FAT3: variants seen among roughly 807,000 people sequenced by gnomAD.
FAT3 encodes the protein FAT atypical cadherin 3.
Under a neutral mutation model 310.2 loss-of-function variants are expected in FAT3, and 95 were observed. The observed-to-expected ratio is 0.31, with a 90% CI of 0.26 to 0.36. The LOEUF is 0.36. Ranked by LOEUF, FAT3 falls within the 10% of genes least tolerant of loss-of-function variation. The pLI is 1.00. For missense variants in FAT3, 5,408 were observed against 5,715.6 expected, an observed-to-expected ratio of 0.95 and a Z score of 1.74; for synonymous variants, 2,314 against 2,192.9, an observed-to-expected ratio of 1.06 and a Z score of -1.54.
chr11:92,726,149 A>T (rs1181235480), intron 4 of FAT3, among the ~76,000 whole-genome samples: 3 of 152,188 alleles, frequency 2.0e-5, no homozygotes, highest in Admixed American at 6.5e-5. Flanking sequence ...ATACAAAATT[A>T]AAAAACTTTA....
Position 92,799,382 on chromosome 11 carries a change from G to T in FAT3, c.6369G>T (p.Leu2123=), listed in dbSNP as rs372266281. ...KGPNGEVTYV[L]QDDYGHFEIN... ...CAAATGGAGAAGTGACCTATGTCCT[G>T]CAGGATGACTATGGCCACTTTGAAA... Residue 2123 remains leucine (L), a synonymous_variant, in exon 10 of 28, where the codon CTG becomes CTT. Coordinates refer to ENST00000525166, the MANE Select transcript of FAT3 (RefSeq NM_001367949.2). 3.7e-6 allele frequency: 6 copies of T among 1,613,648 alleles called. No homozygotes were observed. Among genetic ancestry groups the T allele is most frequent in the African/African-American group, 2.7e-5 (2 of 74,908 alleles).
chr11:92,860,627 G>A (rs933265924), intron 21 of FAT3, among the ~76,000 whole-genome samples: 4 of 152,144 alleles, frequency 2.6e-5, no homozygotes, highest in Non-Finnish European at 5.9e-5. Context: ...TCTTCCCAAG[G>A]TTTCAGCTTG....
intron 3 of FAT3, among the ~76,000 whole-genome samples, chr11:92,547,492 A>G (rs996082504): frequency 2.6e-5 from 4 of 152,084 alleles, no homozygotes; most frequent in African/African-American, 9.7e-5. Flanking sequence ...AACTAATAAA[A>G]TATGTTCTGT....
At chr11:92,301,824 G>A (rs865923276) in intron 1 of FAT3, among the ~76,000 whole-genome samples, 8 of 151,984 alleles carry the variant, frequency 5.3e-5, no homozygotes, top group Admixed American at 3.3e-4. Flanking sequence ...GCTGTTGTTT[G>A]TTGTTTGTTT....
intron 19 of FAT3, among the ~76,000 whole-genome samples, chr11:92,856,773 A>C (rs975194446): frequency 6.6e-6 from 1 of 152,064 alleles, no homozygotes; most frequent in African/African-American, 2.4e-5. Flanking sequence ...ATCAACCTCC[A>C]AGTTCTTGAG....
intron 1 of FAT3, among the ~76,000 whole-genome samples, chr11:92,286,059 C>T (rs564003914): frequency 3.3e-5 from 5 of 152,214 alleles, no homozygotes; most frequent in African/African-American, 1.2e-4. Flanking sequence ...GTGACTCCCT[C>T]TCTCTCCCTG....
At position 92,412,740 on chromosome 11, in the gene FAT3, T is replaced by TATATATATAA. The variant is rs1555038611; in HGVS notation, c.3292+57341_3292+57342insTATAAATATA. 6.5e-5 allele frequency among the ~76,000 whole-genome samples: 5 copies of TATATATATAA among 76,346 alleles called. 1 individual carries two copies. Among genetic ancestry groups the TATATATATAA allele is most frequent in the African/African-American group, 4.7e-4 (5 of 10,682 alleles). 50.1% of individuals were successfully genotyped at this position (76,346 alleles called of 152,430 possible). On this transcript the variant is annotated intron_variant, in intron 2 of 27. Coordinates refer to ENST00000525166, the MANE Select transcript of FAT3 (RefSeq NM_001367949.2). Reference sequence around the variant, plus strand: ...ATATATATATATATATATATATATATATATAAATATACATACATATATATA... The same window carrying TATATATATAA: ...ATATATATATATATATATATATATATATATATATAAATATAAATATACATACATATATATA...
chr11:92,519,632 CT>C (rs1953615868), intron 2 of FAT3, among the ~76,000 whole-genome samples: 1 of 152,032 alleles, frequency 6.6e-6, no homozygotes, highest in South Asian at 2.1e-4. Flanking sequence ...CTGATAAAGA[CT>C]CTTATCCAGA....
At chr11:92,603,724 A>G (rs1940140415) in intron 3 of FAT3, among the ~76,000 whole-genome samples, 2 of 152,188 alleles carry the variant, frequency 1.3e-5, no homozygotes, top group Admixed American at 6.5e-5. Context: ...TGTTCGTGAA[A>G]TTGAAAAGCT....
rs141835378 is a variant in FAT3, at chr11:92,751,791, C to T, written c.3670-10065C>T. Among the ~76,000 whole-genome samples, 1,064 of 152,152 alleles carry T rather than the reference C, an allele frequency of 7.0e-3. 12 individuals are homozygous for T. Among genetic ancestry groups the T allele is most frequent in the African/African-American group, 0.024 (1,001 of 41,526 alleles). On this transcript the variant is annotated intron_variant, in intron 4 of 27. Transcript: ENST00000525166. The stretch of plus-strand genomic sequence containing the variant: ...TTAACAGATGCTTCTACATGGGCTG[C>T]GCAGGGTAGGGAAAAGAGCACGTGC...
chr11:92,336,669 G>C (rs1223303578), intron 1 of FAT3, among the ~76,000 whole-genome samples: 1 of 152,136 alleles, frequency 6.6e-6, no homozygotes, highest in African/African-American at 2.4e-5. Flanking sequence ...GCCTAGAACA[G>C]AACTGAATTT....
chr11:92,284,559 C>T (rs1308333874), intron 1 of FAT3, among the ~76,000 whole-genome samples: 1 of 152,090 alleles, frequency 6.6e-6, no homozygotes, highest in Non-Finnish European at 1.5e-5. Context: ...GGAAGATAGT[C>T]AGGGCTCTTG....
intron 2 of FAT3, among the ~76,000 whole-genome samples, chr11:92,486,065 A>T (rs565398): frequency 6.7e-6 from 1 of 149,754 alleles, no homozygotes; most frequent in Non-Finnish European, 1.5e-5. Flanking sequence ...ATATGGGAAA[A>T]ATATGAATAA....
intron 1 of FAT3, among the ~76,000 whole-genome samples, chr11:92,246,695 G>A (rs2134266453): frequency 1.3e-5 from 2 of 152,218 alleles, no homozygotes; most frequent in East Asian, 3.9e-4. Flanking sequence ...CAGCAAGTAT[G>A]CCAAATGTAA....
intron 3 of FAT3, among the ~76,000 whole-genome samples, chr11:92,597,799 A>T (rs1349263781): frequency 6.6e-6 from 1 of 152,224 alleles, no homozygotes; most frequent in Non-Finnish European, 1.5e-5. Flanking sequence ...GAAAATTTTG[A>T]AATAGCAGAG....
At chr11:92,567,508 C>A (rs916024780) in intron 3 of FAT3, among the ~76,000 whole-genome samples, 3 of 150,022 alleles carry the variant, frequency 2.0e-5, no homozygotes, top group Non-Finnish European at 4.4e-5. Flanking sequence ...ACTAGAAATA[C>A]CATTTGACCC....
chr11:92,851,050 C>G (rs1387129715), intron 19 of FAT3, among the ~76,000 whole-genome samples: 2 of 152,170 alleles, frequency 1.3e-5, no homozygotes, highest in Admixed American at 6.5e-5. Flanking sequence ...TGAAAAAACA[C>G]CTGCACCTGA....
intron 7 of FAT3, among the ~76,000 whole-genome samples, chr11:92,780,966 A>G (rs1312823825): frequency 2.0e-5 from 3 of 152,172 alleles, no homozygotes; most frequent in Admixed American, 2.0e-4. Context: ...AAACTAGAAC[A>G]TGGCTCTTTC....
intron 21 of FAT3, among the ~76,000 whole-genome samples, chr11:92,859,719 G>C (rs1949074776): frequency 6.6e-6 from 1 of 152,178 alleles, no homozygotes; most frequent in Non-Finnish European, 1.5e-5. Flanking sequence ...TTCTGTTCTT[G>C]CTCAGGGAGG....
Sources: allele counts gnomAD v4.1 joint callset (sites outside exome capture counted in the v4.1 genomes callset), GRCh38; gene constraint gnomAD v4.1.1; transcripts MANE v1.5; gene names NCBI Gene and HGNC (gene_info 2026-07-23, HGNC 2026-07-21).